The following ALKBH5 variants were observed in gnomAD, a reference collection of about 807,000 sequenced individuals.
ALKBH5 encodes the protein alkB homolog 5, RNA demethylase.
In ALKBH5, 2 loss-of-function variants were observed where a neutral mutation model predicts 32.1. The observed-to-expected ratio is 0.06, with a 90% CI of 0.03 to 0.20. ALKBH5 has a LOEUF of 0.20. Ranked by LOEUF, ALKBH5 falls within the 10% of genes least tolerant of loss-of-function variation. The pLI, the probability that ALKBH5 is intolerant of heterozygous loss-of-function variation, is 1.00. For synonymous variants in ALKBH5, 300 were observed against 231.7 expected, an observed-to-expected ratio of 1.29 and a Z score of -2.68; for missense variants, 352 against 559.5, an observed-to-expected ratio of 0.63 and a Z score of 3.74.
chr17:18,208,654 C>G lies in ALKBH5; in HGVS notation c.*258C>G. 1.7e-6 allele frequency: 1 copy of G among 592,626 alleles called. No individual in the cohort carries two copies. Among genetic ancestry groups the G allele is most frequent in the Non-Finnish European group, 3.0e-6 (1 of 328,680 alleles). The allele number at this position is 592,626 out of a possible 1,614,324, so 36.7% of individuals were successfully genotyped here. ...CATCAATAGGGGACAGAGGCTGATG[C>G]TGGAGTGGCCAGTAGAGGTGGTGGA... On this transcript the variant is annotated 3_prime_UTR_variant, in exon 4 of 4. Transcript: ENST00000399138.
intron 1 of ALKBH5, 50 bp downstream of exon 1, chr17:18,185,063 C>G: frequency 6.4e-7 from 1 of 1,566,670 alleles, no homozygotes; most frequent in Non-Finnish European, 8.6e-7. Context: ...GCCTTAGCTA[C>G]CCACCCTGGC....
rs192454782 is a variant in ALKBH5, at chr17:18,193,021, G to C, written c.771-1934G>C. On this transcript the variant is annotated intron_variant, in intron 1 of 3. Transcript: ENST00000399138. The stretch of plus-strand genomic sequence containing the variant: ...TTACAGGCACCTGCCATCATGCCTG[G>C]CTTATTTTTGTATTTTTGTAGAGAC... Among the ~76,000 whole-genome samples the C allele has an allele frequency of 1.8e-3, 267 of 151,960 alleles. No homozygotes were observed. The Middle Eastern group carries it at 0.031, about 17-fold the overall frequency.
In ALKBH5 at chr17:18,194,958, A is replaced by C. The variant is rs371842345; in HGVS notation, c.774A>C (p.Gly258=). 6.2e-7 allele frequency: 1 copy of C among 1,613,672 alleles called. No individual in the cohort carries two copies. Among genetic ancestry groups the C allele is most frequent in the South Asian group, 1.1e-5 (1 of 91,042 alleles). The change falls in exon 2 of 4, where the codon GGA becomes GGC. Residue 258 remains glycine, a synonymous_variant. Coordinates refer to ENST00000399138, the MANE Select transcript of ALKBH5 (RefSeq NM_017758.4). ...VRRGSVTVLS[G]YAADEITHCI... is the part of the protein sequence containing the mutation. ...CATGTTCTGTGTTTCTTTTCAGTGG[A>C]TATGCTGCTGATGAAATCACTCACT...
chr17:18,209,861 C>T lies in ALKBH5; in HGVS notation c.*1465C>T, dbSNP rs1340919790. ...AGTTGCAGTTTTATTTTTTTTACAG[C>T]TTTTTTCCCAAAAATGATTTGTAGT... On this transcript the variant is annotated 3_prime_UTR_variant, in exon 4 of 4. Coordinates refer to ENST00000399138, the MANE Select transcript of ALKBH5 (RefSeq NM_017758.4). 6.6e-6 allele frequency: 1 copy of T among 152,608 alleles called. No homozygotes were observed. Among genetic ancestry groups the T allele is most frequent in the Non-Finnish European group, 1.5e-5 (1 of 68,032 alleles). 9.5% of individuals were successfully genotyped at this position (152,608 alleles called of 1,614,324 possible). A position where few individuals can be genotyped will look rare whatever the true frequency, so the allele number is the denominator to read the frequency against.
rs2142464370 is a variant in ALKBH5 at position 18,184,162 on chromosome 17, G to C, written c.-82G>C. On this transcript the variant is annotated 5_prime_UTR_variant, in exon 1 of 4. Transcript: ENST00000399138. ...GCGCTAAGGACCCCCCTCCCTCCGG[G>C]GGCCCCGGGGCGCGTCCCCTTAGAG... The C allele has an allele frequency of 1.6e-6, 2 of 1,277,618 alleles. No homozygotes were observed. Among genetic ancestry groups the C allele is most frequent in the East Asian group, 2.8e-5 (1 of 35,408 alleles). 79.1% of individuals were successfully genotyped at this position (1,277,618 alleles called of 1,614,324 possible).
At chr17:18,207,594 C>T (rs1290689367) in intron 3 of ALKBH5, among the ~76,000 whole-genome samples, 2 of 151,538 alleles carry the variant, frequency 1.3e-5, no homozygotes, top group East Asian at 1.9e-4. Flanking sequence ...ACCTGGGAGG[C>T]GGAGCTGGCA....
At position 18,184,075 on chromosome 17, in the gene ALKBH5, C is replaced by CT; in HGVS notation, c.-168dup. 1 of 692,172 alleles carries CT rather than the reference C, an allele frequency of 1.4e-6. No individual in the cohort carries two copies. Among genetic ancestry groups the CT allele is most frequent in the Non-Finnish European group, 2.6e-6 (1 of 389,770 alleles). 42.9% of individuals were successfully genotyped at this position (692,172 alleles called of 1,614,324 possible). Reference sequence around the variant, plus strand: ...TGCATGACCCGCCGCTCCTGAGGCCCTACCCCACGCCCGGACCCTCGACGC... The same window carrying CT: ...TGCATGACCCGCCGCTCCTGAGGCCCTTACCCCACGCCCGGACCCTCGACGC... On this transcript the variant is annotated 5_prime_UTR_variant, in exon 1 of 4. Coordinates refer to ENST00000399138, the MANE Select transcript of ALKBH5 (RefSeq NM_017758.4).
chr17:18,193,377 C>T (rs1452144016), intron 1 of ALKBH5, among the ~76,000 whole-genome samples: 1 of 151,912 alleles, frequency 6.6e-6, no homozygotes, highest in Admixed American at 6.6e-5. Flanking sequence ...GAAACCCCAT[C>T]TCTACTGAAA....
intron 1 of ALKBH5, 55 bp from the exon 2 acceptor site, chr17:18,194,900 G>T: frequency 6.5e-7 from 1 of 1,536,370 alleles, no homozygotes. Context: ...TATCCCCCAG[G>T]AACTTTGGTT....
At chr17:18,199,681 G>A (rs4924838) in intron 2 of ALKBH5, among the ~76,000 whole-genome samples, 19 of 152,144 alleles carry the variant, frequency 1.2e-4, no homozygotes, top group South Asian at 2.1e-4. Context: ...GGTGGGCACC[G>A]CAGGAAATTT....
intron 1 of ALKBH5, among the ~76,000 whole-genome samples, chr17:18,185,724 A>G (rs1296216682): frequency 1.3e-5 from 2 of 152,256 alleles, no homozygotes; most frequent in Non-Finnish European, 2.9e-5. Flanking sequence ...CGTGAGCAGC[A>G]GAACTTAGGC....
At chr17:18,186,840 A>G (rs548326422) in intron 1 of ALKBH5, among the ~76,000 whole-genome samples, 4 of 151,492 alleles carry the variant, frequency 2.6e-5, no homozygotes, top group Non-Finnish European at 5.9e-5. Flanking sequence ...CTTTTCTCTC[A>G]TTTGCTTTGG....
At chr17:18,190,161 G>A (rs2047165095) in intron 1 of ALKBH5, among the ~76,000 whole-genome samples, 1 of 152,234 alleles carries the variant, frequency 6.6e-6, no homozygotes, top group Non-Finnish European at 1.5e-5. Flanking sequence ...GGAGTAGATG[G>A]AAAATGGTGG....
intron 1 of ALKBH5, among the ~76,000 whole-genome samples, chr17:18,191,022 C>G (rs1476973061): frequency 2.0e-5 from 3 of 152,204 alleles, no homozygotes; most frequent in Non-Finnish European, 4.4e-5. Flanking sequence ...TTCCTCTTCT[C>G]CTTTCCCTGT....
intron 1 of ALKBH5, among the ~76,000 whole-genome samples, chr17:18,190,642 A>G (rs945884215): frequency 6.6e-6 from 1 of 152,034 alleles, no homozygotes; most frequent in African/African-American, 2.4e-5. Context: ...TGTTTTGCAG[A>G]GGCAGAAACA....
chr17:18,201,773 AGATAGATAGATAG>A (rs1357166882), intron 2 of ALKBH5, among the ~76,000 whole-genome samples: 1 of 135,376 alleles, frequency 7.4e-6, no homozygotes, highest in Non-Finnish European at 1.6e-5. Flanking sequence ...ATAGATAGAT[AGATAGATAGATAG>A]GATAGATAAG....
intron 2 of ALKBH5, among the ~76,000 whole-genome samples, chr17:18,197,605 G>C (rs1197306597): frequency 6.6e-6 from 1 of 152,226 alleles, no homozygotes; most frequent in Non-Finnish European, 1.5e-5. Context: ...TCTTCCAGCT[G>C]CTACTCTTTT....
rs893142659 is a variant in ALKBH5, at chr17:18,206,657, A to G, written c.852-158A>G. The G allele has an allele frequency of 1.3e-5, 10 of 753,526 alleles. No individual in the cohort carries two copies. The African/African-American group carries it at 1.4e-4, about 11-fold the overall frequency. 46.7% of individuals were successfully genotyped at this position (753,526 alleles called of 1,614,324 possible). ...GGGTCTTTGAAAGTCAGCTAGACCA[A>G]TCTCTAGTTGAACCTCAAGGAGAGT... On this transcript the variant is annotated intron_variant, in intron 2 of 3. Coordinates refer to ENST00000399138, the MANE Select transcript of ALKBH5 (RefSeq NM_017758.4).
chr17:18,205,887 G>C (rs1190730395), intron 2 of ALKBH5, among the ~76,000 whole-genome samples: 1 of 152,150 alleles, frequency 6.6e-6, no homozygotes, highest in African/African-American at 2.4e-5. Flanking sequence ...GCAGACCCTG[G>C]AAAAGGTGCC....
Sources: gnomAD v4.1 joint callset for allele counts (sites outside exome capture counted in the v4.1 genomes callset) on GRCh38, gnomAD v4.1.1 for gene constraint, MANE v1.5 for transcripts, NCBI Gene and HGNC (gene_info 2026-07-23, HGNC 2026-07-21) for gene names.